Variants in ACY1 observed in about 807,000 individuals in gnomAD.
The protein encoded by ACY1 is aminoacylase 1.
In ACY1, 38 loss-of-function variants were observed where a neutral mutation model predicts 53.3. That is an observed-to-expected ratio of 0.71 (90% CI 0.55 to 0.93). The LOEUF (loss-of-function observed/expected upper bound fraction) is 0.93, where lower values mean the gene tolerates loss of function less well. Ranked by LOEUF, ACY1 falls within the 40% of genes least tolerant of loss-of-function variation. The pLI is 0.00. For synonymous variants in ACY1, 177 were observed against 202.1 expected, an observed-to-expected ratio of 0.88 and a Z score of 1.05; for missense variants, 484 against 540.9, an observed-to-expected ratio of 0.89 and a Z score of 1.04.
At position 51,989,050 on chromosome 3, in the gene ACY1, T is replaced by G; in HGVS notation, c.1202T>G (p.Val401Gly). 6.2e-7 allele frequency: 1 copy of G among 1,613,972 alleles called. No individual in the cohort carries two copies. The highest frequency in any genetic ancestry group is 8.5e-7 in the Non-Finnish European group (1 of 1,180,020). Residue 401 changes from valine to glycine, a missense_variant, in exon 15 of 15, where the codon GTG (valine) becomes GGG (glycine). By Grantham distance (109) the Val-to-Gly change is moderately radical. Transcript: ENST00000636358. ...CGCCTGCTGCCTGCCCTTGCCAGTGTGCCTGCCCTGCCCAGTGACAGCTGA... is the reference window on the plus strand; with the variant it reads ...CGCCTGCTGCCTGCCCTTGCCAGTGGGCCTGCCCTGCCCAGTGACAGCTGA... ...YTRLLPALAS[V>G]PALPSDS
Position 51,986,586 on chromosome 3 carries a change from A to G in ACY1, c.527-19A>G. ...GGGACTGAGCTGCTCCACCCTCTGAACCCCCTTTCCCTCCTCAGGCATAGC... is the reference window on the plus strand; with the variant it reads ...GGGACTGAGCTGCTCCACCCTCTGAGCCCCCTTTCCCTCCTCAGGCATAGC... On this transcript the variant is annotated intron_variant, in intron 7 of 14. Coordinates refer to ENST00000636358, the MANE Select transcript of ACY1 (RefSeq NM_000666.3). 6.2e-7 allele frequency: 1 copy of G among 1,613,932 alleles called. No individual in the cohort carries two copies. The highest frequency in any genetic ancestry group is 8.5e-7 in the Non-Finnish European group (1 of 1,179,950).
At chr3:51,986,707 T>A (rs1385127616) in intron 8 of ACY1, 46 bp downstream of exon 8, 1 of 1,607,914 alleles carries the variant, frequency 6.2e-7, no homozygotes, top group Non-Finnish European at 8.5e-7. Flanking sequence ...GGCGGGAGGC[T>A]AGGCCAGAAA....
chr3:51,988,865 G>C, intron 14 of ACY1, 39 bp downstream of exon 14: 1 of 1,614,234 alleles, frequency 6.2e-7, no homozygotes, highest in African/African-American at 1.3e-5. Context: ...AGTGGACTGG[G>C]CCTGAGTGCT....
chr3:51,984,960 A>G lies in ACY1; in HGVS notation c.95-247A>G, dbSNP rs1459295429. The G allele has an allele frequency of 8.7e-6, 5 of 577,306 alleles. No homozygotes were observed. The East Asian group carries it at 1.5e-4, about 17-fold the overall frequency. The allele number at this position is 577,306 out of a possible 1,614,324, so 35.8% of individuals were successfully genotyped here. On this transcript the variant is annotated intron_variant, in intron 2 of 14. Coordinates refer to ENST00000636358, the MANE Select transcript of ACY1 (RefSeq NM_000666.3). ...ATGTCTCTGTGCCATAGTTTCCCAT[A>G]TTTAAGGAAGATAACACCTTCCTCC...
In ACY1 at chr3:51,987,383, C is replaced by T; in HGVS notation, c.782C>T (p.Ala261Val). 2 of 1,614,108 alleles carry T rather than the reference C, an allele frequency of 1.2e-6. No homozygotes were observed. The stretch of plus-strand genomic sequence containing the variant: ...CTGACTAAGCTAGAGGGTGGCGTGG[C>T]CTATAACGTGATACCTGCCACCATG... Reference protein sequence around the residue: ...VNLTKLEGGVAYNVIPATMSA... With the variant: ...VNLTKLEGGVVYNVIPATMSA... The change falls in exon 11 of 15, where the codon GCC (alanine) becomes GTC (valine). Residue 261 changes from alanine (A) to valine (V), a missense_variant. Coordinates refer to ENST00000636358, the MANE Select transcript of ACY1 (RefSeq NM_000666.3).
rs1368307429 is a variant in ACY1, at chr3:51,985,360, G to T, written c.160-1G>T. The T allele has an allele frequency of 6.2e-7, 1 of 1,614,156 alleles. No homozygotes were observed. The highest frequency in any genetic ancestry group is 8.5e-7 in the Non-Finnish European group (1 of 1,180,022). On this transcript the variant is annotated splice_acceptor_variant, in intron 3 of 14. Coordinates refer to ENST00000636358, the MANE Select transcript of ACY1 (RefSeq NM_000666.3). LOFTEE classifies it high-confidence loss of function. ...CCACCTACCCTCCTGACCATCTCCAGGTGGCACCTGGCTATGTGGTGACCG... is the reference window on the plus strand; with the variant it reads ...CCACCTACCCTCCTGACCATCTCCATGTGGCACCTGGCTATGTGGTGACCG...
chr3:51,984,508 C>G (rs1468657652), intron 2 of ACY1: 4 of 404,580 alleles, frequency 9.9e-6, no homozygotes, highest in Non-Finnish European at 1.9e-5. Flanking sequence ...GGCCACAGCC[C>G]TTAGGGAGTC....
In ACY1 at chr3:51,987,600, G is replaced by A; in HGVS notation, c.897G>A (p.Glu299=). 2 of 1,614,002 alleles carry A rather than the reference G, an allele frequency of 1.2e-6. No homozygotes were observed. Among genetic ancestry groups the A allele is most frequent in the African/African-American group, 2.7e-5 (2 of 75,038 alleles). Residue 299 remains glutamate (E), a synonymous_variant, in exon 12 of 15, where the codon GAG becomes GAA. Coordinates refer to ENST00000636358, the MANE Select transcript of ACY1 (RefSeq NM_000666.3). ...QLQSWCQAAG[E]GVTLEFAQKW... ...AGAGCTGGTGCCAGGCAGCTGGCGA[G>A]GGGGTCACCCTAGAGTTTGCTCAGG...
Position 51,987,599 on chromosome 3 carries a change from A to AG in ACY1, c.901dup (p.Val301GlyfsTer18). The AG allele has an allele frequency of 3.1e-6, 5 of 1,614,110 alleles. No individual in the cohort carries two copies. Among genetic ancestry groups the AG allele is most frequent in the Non-Finnish European group, 4.2e-6 (5 of 1,180,010 alleles). On this transcript the variant is annotated frameshift_variant, in exon 12 of 15. Transcript: ENST00000636358. LOFTEE classifies it high-confidence loss of function. ...CAGAGCTGGTGCCAGGCAGCTGGCG[A>AG]GGGGGTCACCCTAGAGTTTGCTCAG...
At chr3:51,986,827 C>A in intron 8 of ACY1, 161 bp from the exon 9 acceptor site, 1 of 1,251,012 alleles carries the variant, frequency 8.0e-7, no homozygotes. Flanking sequence ...TGAGGGCAAG[C>A]CCTGAATGGG....
At chr3:51,986,954 C>T in intron 8 of ACY1, 34 bp from the exon 9 acceptor site, 1 of 1,607,194 alleles carries the variant, frequency 6.2e-7, no homozygotes, top group Non-Finnish European at 8.5e-7. Context: ...GCCCCTCAGG[C>T]TGAAGACACT....
intron 2 of ACY1, 43 bp downstream of exon 2, chr3:51,984,201 G>A (rs759984008): frequency 3.8e-6 from 6 of 1,580,374 alleles, no homozygotes; most frequent in African/African-American, 1.3e-5. Context: ...GGGCCTAAGG[G>A]ACGGGGACTG....
intron 2 of ACY1, 60 bp downstream of exon 2, chr3:51,984,218 A>G (rs1700980744): frequency 1.3e-6 from 2 of 1,520,842 alleles, no homozygotes; most frequent in Non-Finnish European, 1.8e-6. Context: ...ACTGTGCTCT[A>G]AACCAGCCTC....
intron 5 of ACY1, 74 bp from the exon 6 acceptor site, chr3:51,986,177 TCCAG>T (rs1701049138): frequency 6.8e-7 from 1 of 1,472,524 alleles, no homozygotes; most frequent in Non-Finnish European, 9.4e-7. Flanking sequence ...GACACAGGAC[TCCAG>T]CCTGCTGGCC....
At chr3:51,988,207 C>T (rs1577731739) in intron 12 of ACY1, 1 of 475,554 alleles carries the variant, frequency 2.1e-6, no homozygotes, top group Non-Finnish European at 3.9e-6. Context: ...AGGGTGGCCC[C>T]TTGCACTCTG....
intron 8 of ACY1, 73 bp from the exon 9 acceptor site, chr3:51,986,914 TG>T (rs1701083246): frequency 6.6e-7 from 1 of 1,519,476 alleles, no homozygotes; most frequent in Non-Finnish European, 9.0e-7. Context: ...GGGGGAGACC[TG>T]GGCCCACCCC....
chr3:51,987,527 G>A, intron 11 of ACY1, 29 bp from the exon 12 acceptor site: 1 of 1,614,036 alleles, frequency 6.2e-7, no homozygotes, highest in Non-Finnish European at 8.5e-7. Flanking sequence ...TGGAAAGCCT[G>A]AAGGATCAGC....
At chr3:51,984,877 T>C in intron 2 of ACY1, 1 of 404,160 alleles carries the variant, frequency 2.5e-6, no homozygotes, top group Non-Finnish European at 4.6e-6. Flanking sequence ...ATTGTGTACA[T>C]GGGTCCAAAT....
intron 5 of ACY1, 104 bp downstream of exon 5, chr3:51,986,050 C>T (rs1240472700): frequency 3.3e-6 from 4 of 1,224,868 alleles, no homozygotes; most frequent in African/African-American, 1.5e-5. Flanking sequence ...CAAGGAACAC[C>T]GTGACCTCTT....
Sources: allele counts gnomAD v4.1 joint callset, GRCh38; gene constraint gnomAD v4.1.1; transcripts MANE v1.5; gene names NCBI Gene and HGNC (gene_info 2026-07-23, HGNC 2026-07-21).